The following SPATA31H1 variants were observed in gnomAD, a reference collection of about 807,000 sequenced individuals.
SPATA31H1 encodes spermatogenesis-associated protein 31H1.
At chr2:27,544,621 G>A in the SPATA31H1 span, among the ~76,000 whole-genome samples, 2 of 148,816 alleles carry the variant, frequency 1.3e-5, no homozygotes, top group Non-Finnish European at 3.0e-5. Flanking sequence ...TGCAGCCTCT[G>A]CCTCCCAGAT....
the SPATA31H1 span, chr2:27,576,578 G>GCTGA: frequency 6.4e-7 from 1 of 1,569,534 alleles, no homozygotes; most frequent in Non-Finnish European, 8.6e-7. Flanking sequence ...AACCTATGGA[G>GCTGA]CTGACACCAG....
At chr2:27,559,684 T>A in the SPATA31H1 span, among the ~76,000 whole-genome samples, 12 of 152,142 alleles carry the variant, frequency 7.9e-5, no homozygotes, top group Non-Finnish European at 1.8e-4. Flanking sequence ...GATTTAAATA[T>A]ATGTGCTTAT....
the SPATA31H1 span, among the ~76,000 whole-genome samples, chr2:27,541,447 C>A: frequency 2.6e-5 from 4 of 151,578 alleles, no homozygotes; most frequent in Non-Finnish European, 5.9e-5. Context: ...GGAGAGACAC[C>A]AACTCATCAT....
At chr2:27,561,416 T>C in the SPATA31H1 span, among the ~76,000 whole-genome samples, 2 of 152,258 alleles carry the variant, frequency 1.3e-5, no homozygotes, top group African/African-American at 2.4e-5. Flanking sequence ...TGTGGATTGA[T>C]TAAATCAAGT....
chr2:27,581,583 C>A, the SPATA31H1 span: 4 of 1,464,644 alleles, frequency 2.7e-6, no homozygotes, highest in African/African-American at 4.4e-5. Context: ...GAGAAGACAT[C>A]GCAGTCCCTC....
chr2:27,573,763 C>T, the SPATA31H1 span: 20 of 398,370 alleles, frequency 5.0e-5, no homozygotes, highest in Non-Finnish European at 8.0e-5. Context: ...GTGAAGTCTC[C>T]AGCGTTTACA....
chr2:27,547,140 ACT>A, the SPATA31H1 span, among the ~76,000 whole-genome samples: 1 of 149,432 alleles, frequency 6.7e-6, no homozygotes, highest in Admixed American at 6.7e-5. Flanking sequence ...CTTTGTAGTG[ACT>A]TAAAATTTGG....
At chr2:27,542,821 G>T in the SPATA31H1 span, among the ~76,000 whole-genome samples, 12 of 152,044 alleles carry the variant, frequency 7.9e-5, no homozygotes, top group African/African-American at 2.9e-4. Context: ...TACAGTCTGG[G>T]AGTGGTGGCT....
chr2:27,552,286 G>A, the SPATA31H1 span, among the ~76,000 whole-genome samples: 1 of 151,952 alleles, frequency 6.6e-6, no homozygotes, highest in Non-Finnish European at 1.5e-5. Context: ...TGAATTAAGA[G>A]TCCAACTTCA....
chr2:27,580,210 C>T, the SPATA31H1 span: 1 of 1,614,204 alleles, frequency 6.2e-7, no homozygotes, highest in Non-Finnish European at 8.5e-7. Flanking sequence ...AGTCCTACTT[C>T]CACAATAGAT....
the SPATA31H1 span, chr2:27,566,321 A>T: frequency 1.4e-6 from 1 of 717,408 alleles, no homozygotes; most frequent in Non-Finnish European, 2.6e-6. Context: ...TGGACCCAGG[A>T]ATATATACTC....
At chr2:27,565,694 G>A in the SPATA31H1 span, among the ~76,000 whole-genome samples, 2 of 152,162 alleles carry the variant, frequency 1.3e-5, no homozygotes, top group African/African-American at 4.8e-5. Flanking sequence ...AGTTTGGTGA[G>A]GGAAGTTTCC....
the SPATA31H1 span, chr2:27,581,563 GT>G: frequency 7.3e-7 from 1 of 1,376,852 alleles, no homozygotes; most frequent in African/African-American, 1.5e-5. Flanking sequence ...AGCCATCGCA[GT>G]TCCTCTGAGA....
the SPATA31H1 span, among the ~76,000 whole-genome samples, chr2:27,539,811 G>A: frequency 4.2e-5 from 3 of 70,940 alleles, no homozygotes; most frequent in Admixed American, 3.5e-4. Context: ...CCCAGTAGGG[G>A]CGGCCGGGCA....
At chr2:27,570,474 T>C in the SPATA31H1 span, 3 of 398,878 alleles carry the variant, frequency 7.5e-6, no homozygotes, top group Non-Finnish European at 1.3e-5. Flanking sequence ...TAGTGTGAAT[T>C]TTGTAGAGGT....
chr2:27,579,187 A>G, the SPATA31H1 span: 1 of 1,614,168 alleles, frequency 6.2e-7, no homozygotes, highest in Non-Finnish European at 8.5e-7. Flanking sequence ...GGCAGACAAC[A>G]CAATGTCTGG....
the SPATA31H1 span, among the ~76,000 whole-genome samples, chr2:27,550,969 A>C: frequency 6.6e-6 from 1 of 151,450 alleles, no homozygotes; most frequent in Non-Finnish European, 1.5e-5. Flanking sequence ...AGCTCACTGC[A>C]ACCTCTGCCT....
At chr2:27,579,336 T>C in the SPATA31H1 span, 1 of 1,614,222 alleles carries the variant, frequency 6.2e-7, no homozygotes, top group Non-Finnish European at 8.5e-7. Context: ...TGCAGATACC[T>C]GTCAATCTAT....
the SPATA31H1 span, among the ~76,000 whole-genome samples, chr2:27,562,003 C>T: frequency 6.6e-6 from 1 of 152,316 alleles, no homozygotes; most frequent in South Asian, 2.1e-4. Flanking sequence ...GCCCGATTCC[C>T]ATCACCATTT....
Sources: gnomAD v4.1 joint callset for allele counts (sites outside exome capture counted in the v4.1 genomes callset) on GRCh38, gnomAD v4.1.1 for gene constraint, MANE v1.5 for transcripts, NCBI Gene and HGNC (gene_info 2026-07-23, HGNC 2026-07-21) for gene names.